Variants in SCEL observed in about 807,000 individuals in gnomAD.
SCEL encodes the protein sciellin.
A neutral mutation model predicts 117.6 loss-of-function variants in SCEL; 113 were observed. The ratio of observed to expected loss-of-function variants is 0.96; its 90% CI spans 0.83 to 1.12. The LOEUF (loss-of-function observed/expected upper bound fraction) is 1.12, where lower values mean the gene tolerates loss of function less well. Among genes scored for constraint, SCEL ranks in the 50% most tolerant of loss-of-function variants. The pLI is 0.00. For synonymous variants in SCEL, 270 were observed against 256.2 expected, an observed-to-expected ratio of 1.05 and a Z score of -0.51; for missense variants, 785 against 810.8, an observed-to-expected ratio of 0.97 and a Z score of 0.39.
intron 14 of SCEL, 40 bp from the exon 15 acceptor site, chr13:77,599,649 C>T (rs1594076419): frequency 7.0e-7 from 1 of 1,424,988 alleles, no homozygotes. Flanking sequence ...AATTTCATTT[C>T]AGTATGCAGC....
intron 1 of SCEL, among the ~76,000 whole-genome samples, chr13:77,546,901 C>T (rs2084020119): frequency 6.6e-6 from 1 of 152,162 alleles, no homozygotes; most frequent in African/African-American, 2.4e-5. Context: ...GAGGACTGCT[C>T]CTCCCTCCTG....
At chr13:77,557,351 T>A (rs574849154) in intron 3 of SCEL, among the ~76,000 whole-genome samples, 115 of 152,348 alleles carry the variant, frequency 7.5e-4, no homozygotes, top group African/African-American at 2.7e-3. Context: ...CAATAGGTAT[T>A]TGTCCAGCAA....
At chr13:77,605,319 T>TGTGTAG (rs2088073881) in intron 19 of SCEL, among the ~76,000 whole-genome samples, 1 of 152,270 alleles carries the variant, frequency 6.6e-6, no homozygotes, top group East Asian at 1.9e-4. Flanking sequence ...CTGCCCTGTT[T>TGTGTAG]GTGTAGGTGT....
At chr13:77,610,447 GT>G (rs1296173894) in intron 22 of SCEL, among the ~76,000 whole-genome samples, 16 of 35,002 alleles carry the variant, frequency 4.6e-4, no homozygotes, top group Admixed American at 1.9e-3. Flanking sequence ...GCAAGACTCC[GT>G]CAAAAAAAAA....
At chr13:77,567,868 A>G (rs1413069497) in intron 6 of SCEL, 120 bp downstream of exon 6, 1 of 652,854 alleles carries the variant, frequency 1.5e-6, no homozygotes, top group Non-Finnish European at 2.6e-6. Flanking sequence ...AGTCTCTATC[A>G]TTACTCCTGT....
intron 4 of SCEL, among the ~76,000 whole-genome samples, 161 bp downstream of exon 4, chr13:77,560,024 A>G (rs1002481695): frequency 6.6e-5 from 10 of 152,206 alleles, no homozygotes; most frequent in Admixed American, 3.3e-4. Flanking sequence ...AGGTTTCCAC[A>G]AGGAAACTCT....
Position 77,609,111 on chromosome 13 carries a change from C to T in SCEL, c.1271C>T (p.Thr424Ile), listed in dbSNP as rs755237982. Residue 424 changes from threonine (T) to isoleucine (I), a missense_variant, in exon 21 of 33, where the codon ACT becomes ATT. Physicochemically the swap from Thr to Ile is moderately conservative, Grantham distance 89. Transcript: ENST00000349847. ...IKVYPGTEKSTEGGQSLDSLI... is the reference protein window; with the variant it reads ...IKVYPGTEKSIEGGQSLDSLI... The stretch of plus-strand genomic sequence containing the variant: ...GTGTATCCAGGAACAGAAAAAAGTA[C>T]TGAAGGGTAAGATTTAATAAGCTCC... 1.9e-6 allele frequency: 3 copies of T among 1,596,828 alleles called. No homozygotes were observed. The highest frequency in any genetic ancestry group is 1.8e-5 in the Admixed American group (1 of 55,148).
intron 8 of SCEL, among the ~76,000 whole-genome samples, chr13:77,571,550 G>A (rs1224561867): frequency 2.0e-5 from 3 of 151,708 alleles, no homozygotes; most frequent in Admixed American, 6.6e-5. Context: ...TTAGCTGGGC[G>A]TGGTGGTGCA....
At chr13:77,628,849 A>AAT (rs1157860167) in intron 28 of SCEL, among the ~76,000 whole-genome samples, 2 of 152,120 alleles carry the variant, frequency 1.3e-5, no homozygotes, top group Admixed American at 6.6e-5. Context: ...CCATTCCTTT[A>AAT]GTTCCCCAAA....
chr13:77,602,081 A>G lies in SCEL; in HGVS notation c.934A>G (p.Ser312Gly), dbSNP rs144850557. Residue 312 changes from serine to glycine, a missense_variant, in exon 16 of 33, where the codon AGT becomes GGT. Transcript: ENST00000349847. The part of the protein sequence containing the change: ...KDGKGIQSLG[S>G]PIKVNQRTDK... ...GTTGTAAAGAATCCAAAGCCTTGGA[A>G]GTCCGATTAAAGTTAATCAAAGGAC... 33 of 1,610,518 alleles carry G rather than the reference A, an allele frequency of 2.0e-5. No individual in the cohort carries two copies. The African/African-American group carries it at 4.1e-4, about 20-fold the overall frequency.
At chr13:77,638,937 C>CT (rs1371014326) in intron 30 of SCEL, among the ~76,000 whole-genome samples, 1 of 152,054 alleles carries the variant, frequency 6.6e-6, no homozygotes, top group East Asian at 1.9e-4. Flanking sequence ...GCAGATGGCA[C>CT]TTTTTTCTGA....
intron 24 of SCEL, among the ~76,000 whole-genome samples, chr13:77,617,167 G>A (rs1364722513): frequency 6.6e-6 from 1 of 152,094 alleles, no homozygotes; most frequent in Non-Finnish European, 1.5e-5. Context: ...AATTTTGATG[G>A]ATTGCTGGAC....
At chr13:77,601,898 C>A (rs1250750728) in intron 15 of SCEL, among the ~76,000 whole-genome samples, 167 bp from the exon 16 acceptor site, 1 of 152,196 alleles carries the variant, frequency 6.6e-6, no homozygotes, top group Non-Finnish European at 1.5e-5. Context: ...GATAGAGCCA[C>A]CTGAATTCAG....
chr13:77,563,320 CCTT>C lies in SCEL; in HGVS notation c.222-508_222-506del, dbSNP rs1272895746. On this transcript the variant is annotated intron_variant, in intron 4 of 32. Transcript: ENST00000349847. ...TTCCTTTCTTTCCTGTCTTTCCCCT[CCTT>C]CTGCCTGTAAGTTCCCTTCTTTCAA... 5.3e-5 allele frequency among the ~76,000 whole-genome samples: 8 copies of C among 152,122 alleles called. No individual in the cohort carries two copies. In the East Asian group the frequency reaches 7.7e-4, roughly 15 times the overall value.
intron 22 of SCEL, among the ~76,000 whole-genome samples, chr13:77,612,553 AT>A (rs1423972732): frequency 5.7e-5 from 8 of 139,808 alleles, no homozygotes; most frequent in Admixed American, 5.4e-4. Flanking sequence ...ATAATGAATA[AT>A]TTTATATTTT....
chr13:77,551,972 A>G (rs1567339544), intron 1 of SCEL, among the ~76,000 whole-genome samples: 1 of 150,490 alleles, frequency 6.6e-6, no homozygotes, highest in Non-Finnish European at 1.5e-5. Flanking sequence ...ACGATAGTTT[A>G]CTGAGAATGA....
At chr13:77,640,293 T>C (rs1430234220) in intron 30 of SCEL, among the ~76,000 whole-genome samples, 1 of 152,182 alleles carries the variant, frequency 6.6e-6, no homozygotes. Flanking sequence ...ATCTGCAGCA[T>C]AATTTTTCCG....
At chr13:77,642,880 G>GT (rs768765737) in intron 32 of SCEL, 72 bp downstream of exon 32, 20 of 765,386 alleles carry the variant, frequency 2.6e-5, no homozygotes, top group Non-Finnish European at 3.3e-5. Flanking sequence ...TTAAAATGAT[G>GT]TATTTTAATA....
chr13:77,629,993 A>G lies in SCEL; in HGVS notation c.1691+1984A>G, dbSNP rs142244001. Reference sequence around the variant, plus strand: ...GAATTTCTTTATGGCCAGTTTTTACATAGAAAGAAAGGTGAAGGGATAGGT... The same window carrying G: ...GAATTTCTTTATGGCCAGTTTTTACGTAGAAAGAAAGGTGAAGGGATAGGT... On this transcript the variant is annotated intron_variant, in intron 28 of 32. Coordinates refer to ENST00000349847, the MANE Select transcript of SCEL (RefSeq NM_144777.3). 2.1e-3 allele frequency among the ~76,000 whole-genome samples: 325 copies of G among 152,306 alleles called. 2 individuals are homozygous for G. Among genetic ancestry groups the G allele is most frequent in the African/African-American group, 7.5e-3 (312 of 41,568 alleles).
Sources: allele counts gnomAD v4.1 joint callset (sites outside exome capture counted in the v4.1 genomes callset), GRCh38; gene constraint gnomAD v4.1.1; transcripts MANE v1.5; gene names NCBI Gene and HGNC (gene_info 2026-07-23, HGNC 2026-07-21).